Variants in PTCHD4 observed in about 807,000 individuals in gnomAD.
PTCHD4 encodes the protein patched domain-containing protein 4.
PTCHD4 carries 33 observed loss-of-function variants against 58.1 expected under a neutral mutation model. The ratio of observed to expected loss-of-function variants is 0.57; its 90% CI spans 0.43 to 0.76. PTCHD4 has a LOEUF of 0.76. Among genes scored for constraint, PTCHD4 ranks in the 30% least tolerant of loss-of-function variants. The pLI is 0.00. For missense variants in PTCHD4, 1,058 were observed against 1,027.1 expected (o/e 1.03, Z -0.41); for synonymous variants, 478 against 409.6 (o/e 1.17, Z -2.02).
chr6:48,105,951 A>G (rs949733264), intron 1 of PTCHD4, among the ~76,000 whole-genome samples: 1 of 152,168 alleles, frequency 6.6e-6, no homozygotes, highest in African/African-American at 2.4e-5. Flanking sequence ...AATTGAGGCA[A>G]TAATTAAGAG....
chr6:48,060,591 T>C (rs1764586473), intron 3 of PTCHD4, among the ~76,000 whole-genome samples: 4 of 152,170 alleles, frequency 2.6e-5, no homozygotes, highest in Admixed American at 2.6e-4. Context: ...CTTCTACCTC[T>C]GCCTCTCAAG....
chr6:47,931,072 A>C lies in PTCHD4; in HGVS notation c.899-51136T>G, dbSNP rs534821812. ...AGTGCTGGGATTACAGGCGTGAGCCACCGCACCCGGCCGAGCATTGTGTTT... is the reference window on the plus strand; with the variant it reads ...AGTGCTGGGATTACAGGCGTGAGCCCCCGCACCCGGCCGAGCATTGTGTTT... On this transcript the variant is annotated intron_variant, in intron 4 of 4. Coordinates refer to ENST00000339488, the MANE Select transcript of PTCHD4 (RefSeq NM_001384253.1). Among the ~76,000 whole-genome samples the C allele has an allele frequency of 2.6e-5, 4 of 152,356 alleles. No homozygotes were observed. The South Asian group carries it at 8.3e-4, about 32-fold the overall frequency.
At chr6:47,901,983 C>T in intron 4 of PTCHD4, 2 of 1,172,892 alleles carry the variant, frequency 1.7e-6, no homozygotes, top group Non-Finnish European at 1.1e-6. Context: ...TGTTATATTT[C>T]TAGCCTCACT....
At chr6:48,056,275 T>C (rs1764401575) in intron 3 of PTCHD4, among the ~76,000 whole-genome samples, 1 of 152,246 alleles carries the variant, frequency 6.6e-6, no homozygotes, top group Non-Finnish European at 1.5e-5. Context: ...AGAAAGGTTC[T>C]AAGTAACACA....
In PTCHD4 at chr6:47,870,968, G is replaced by T. The variant is rs1330213357; in HGVS notation, c.*7335C>A. Among the ~76,000 whole-genome samples, 1 of 151,488 alleles carries T rather than the reference G, an allele frequency of 6.6e-6. No individual in the cohort carries two copies. Among genetic ancestry groups the T allele is most frequent in the African/African-American group, 2.4e-5 (1 of 41,336 alleles). ...TGGGTAAAGACATCTGGAATTGATG[G>T]TTTGCCATGAGGTTTGTAGTGTTAA... On this transcript the variant is annotated 3_prime_UTR_variant, in exon 5 of 5. Coordinates refer to ENST00000339488, the MANE Select transcript of PTCHD4 (RefSeq NM_001384253.1).
At chr6:48,027,827 C>T (rs1763299068) in intron 3 of PTCHD4, among the ~76,000 whole-genome samples, 1 of 152,040 alleles carries the variant, frequency 6.6e-6, no homozygotes, top group Non-Finnish European at 1.5e-5. Flanking sequence ...TCACAACTGT[C>T]TACTTCCTAA....
At position 48,068,618 on chromosome 6, in the gene PTCHD4, C is replaced by T. The variant is rs777351176; in HGVS notation, c.29G>A (p.Trp10Ter). 1 of 1,567,898 alleles carries T rather than the reference C, an allele frequency of 6.4e-7. No individual in the cohort carries two copies. Among genetic ancestry groups the T allele is most frequent in the Non-Finnish European group, 8.6e-7 (1 of 1,161,484 alleles). The change falls in exon 3 of 5, where the codon TGG becomes TAG. Residue 10 changes from tryptophan (W) to a stop codon, truncating the protein, a stop_gained. Coordinates refer to ENST00000339488, the MANE Select transcript of PTCHD4 (RefSeq NM_001384253.1). LOFTEE classifies it high-confidence loss of function. The surrounding 1 kb of genome is among the most constrained non-coding windows in gnomAD (Gnocchi z 4.2). ...CTGCCGCAGCATCCTCCACCAGATC[C>T]AGCTCGCAGGCGCTCCCGGCCGTCT... MRRPGAPAS[W>*]IWWRMLRQVL...
intron 4 of PTCHD4, among the ~76,000 whole-genome samples, chr6:47,880,188 C>A (rs1028105822): frequency 6.6e-6 from 1 of 152,066 alleles, no homozygotes; most frequent in African/African-American, 2.4e-5. Context: ...ATCAATGTGA[C>A]AAGTTGTAAA....
At chr6:48,058,977 G>T (rs557362611) in intron 3 of PTCHD4, among the ~76,000 whole-genome samples, 2 of 152,334 alleles carry the variant, frequency 1.3e-5, no homozygotes, top group East Asian at 3.9e-4. Context: ...ATCTAATCAT[G>T]AATTCAAAAG....
At chr6:48,109,058 A>G (rs1365307920) in intron 1 of PTCHD4, among the ~76,000 whole-genome samples, 2 of 152,178 alleles carry the variant, frequency 1.3e-5, no homozygotes, top group African/African-American at 4.8e-5. Flanking sequence ...AAAAGTGACA[A>G]AAGTGTCTGG....
At chr6:48,055,716 A>G (rs1764385145) in intron 3 of PTCHD4, among the ~76,000 whole-genome samples, 1 of 152,332 alleles carries the variant, frequency 6.6e-6, no homozygotes, top group South Asian at 2.1e-4. Context: ...TCATTAAACT[A>G]GTTCAAACCC....
chr6:47,857,137 G>C lies in PTCHD4; in HGVS notation c.*21166C>G. On this transcript the variant is annotated 3_prime_UTR_variant, in exon 5 of 5. Coordinates refer to ENST00000339488, the MANE Select transcript of PTCHD4 (RefSeq NM_001384253.1). ...CTAACAAAAATTACTTATGATCAGT[G>C]TTGCTTTACATGTTTTCAGAATAAT... 6.6e-6 allele frequency among the ~76,000 whole-genome samples: 1 copy of C among 152,014 alleles called. No individual in the cohort carries two copies. The highest frequency in any genetic ancestry group is 1.5e-5 in the Non-Finnish European group (1 of 67,964).
intron 1 of PTCHD4, among the ~76,000 whole-genome samples, chr6:48,073,245 G>A (rs1395652013): frequency 6.6e-6 from 1 of 152,178 alleles, no homozygotes; most frequent in Non-Finnish European, 1.5e-5. Flanking sequence ...GTCAGTATGA[G>A]TTTTCAAGAC....
In PTCHD4 at chr6:48,068,194, A is replaced by G. The variant is rs758604966; in HGVS notation, c.417+36T>C. On this transcript the variant is annotated intron_variant, in intron 3 of 4. Transcript: ENST00000339488. This position sits in a 1 kb window ranked among gnomAD's most constrained non-coding sequence, Gnocchi z 4.2. ...TATCCTGATTTCTCAACACACACAG[A>G]TGGGAAAAAGTATAATTATAGCCCT... The G allele has an allele frequency of 2.0e-6, 3 of 1,514,668 alleles. No homozygotes were observed. Among genetic ancestry groups the G allele is most frequent in the Non-Finnish European group, 1.8e-6 (2 of 1,129,364 alleles). 93.8% of individuals were successfully genotyped at this position (1,514,668 alleles called of 1,614,324 possible). A position where few individuals can be genotyped will look rare whatever the true frequency, so the allele number is the denominator to read the frequency against.
At chr6:47,968,624 T>C (rs531435657) in intron 4 of PTCHD4, among the ~76,000 whole-genome samples, 1 of 152,288 alleles carries the variant, frequency 6.6e-6, no homozygotes, top group African/African-American at 2.4e-5. Context: ...CTTTCCTGAA[T>C]CATTTACTTT....
intron 4 of PTCHD4, among the ~76,000 whole-genome samples, chr6:47,918,320 A>C (rs1765323460): frequency 6.6e-6 from 1 of 152,202 alleles, no homozygotes; most frequent in African/African-American, 2.4e-5. Flanking sequence ...TTAAAGATCC[A>C]ACCTGAAATT....
chr6:48,068,187 C>T lies in PTCHD4; in HGVS notation c.417+43G>A, dbSNP rs1334807739. The T allele has an allele frequency of 3.3e-6, 5 of 1,508,742 alleles. No homozygotes were observed. The highest frequency in any genetic ancestry group is 4.4e-5 in the Admixed American group (2 of 45,412). 93.5% of individuals were successfully genotyped at this position (1,508,742 alleles called of 1,614,324 possible). On this transcript the variant is annotated intron_variant, in intron 3 of 4. Transcript: ENST00000339488. This position sits in a 1 kb window ranked among gnomAD's most constrained non-coding sequence, Gnocchi z 4.2. ...CATTTCTTATCCTGATTTCTCAACA[C>T]ACACAGATGGGAAAAAGTATAATTA...
At chr6:47,958,647 G>C (rs1581934377) in intron 4 of PTCHD4, among the ~76,000 whole-genome samples, 1 of 152,210 alleles carries the variant, frequency 6.6e-6, no homozygotes, top group African/African-American at 2.4e-5. Flanking sequence ...AGCTACAGGA[G>C]CAAGAACTCT....
chr6:47,876,738 T>C lies in PTCHD4; in HGVS notation c.*1565A>G, dbSNP rs188513132. 8.1e-4 allele frequency among the ~76,000 whole-genome samples: 123 copies of C among 152,146 alleles called. No individual in the cohort carries two copies. Among genetic ancestry groups the C allele is most frequent in the African/African-American group, 2.8e-3 (116 of 41,552 alleles). ...CCTACCTGGAAATAAATTATGTTAC[T>C]GCTTGGCATGGGAAAAGGCATTTTC... On this transcript the variant is annotated 3_prime_UTR_variant, in exon 5 of 5. Coordinates refer to ENST00000339488, the MANE Select transcript of PTCHD4 (RefSeq NM_001384253.1).
Sources: gnomAD v4.1 joint callset for allele counts (sites outside exome capture counted in the v4.1 genomes callset) on GRCh38, gnomAD v4.1.1 for gene constraint, Gnocchi (gnomAD v3.1) non-coding constraint, MANE v1.5 for transcripts, NCBI Gene and HGNC (gene_info 2026-07-23, HGNC 2026-07-21) for gene names.